PRKG2: variants seen among roughly 807,000 people sequenced by gnomAD.
PRKG2 encodes protein kinase cGMP-dependent 2, also known as cGMP-dependent protein kinase 2.
A neutral mutation model predicts 97.2 loss-of-function variants in PRKG2; 33 were observed. The observed-to-expected ratio is 0.34, with a 90% confidence interval of 0.26 to 0.45. The LOEUF is 0.45. PRKG2 is among the 20% of genes least tolerant of loss of function. The pLI is 1.00. For missense variants in PRKG2, 638 were observed against 900.0 expected (o/e 0.71, Z 3.73); for synonymous variants, 330 against 321.8 (o/e 1.03, Z -0.27).
rs28377778 is a variant in PRKG2 at position 81,143,080 on chromosome 4, C to T, written c.1254-133G>A. 0.021 allele frequency: 25,058 copies of T among 1,195,656 alleles called. 3,830 individuals carry two copies. In the African/African-American group the frequency reaches 0.33, roughly 16 times the overall value. 74.1% of individuals were successfully genotyped at this position (1,195,656 alleles called of 1,614,324 possible). A position where few individuals can be genotyped will look rare whatever the true frequency, so the allele number is the denominator to read the frequency against. ...ATTTATAGTTGCCACAAAGGCTATC[C>T]CAACTTTTATGGATCAGATTCAGTC... On this transcript the variant is annotated intron_variant, in intron 10 of 18. Transcript: ENST00000264399.
intron 14 of PRKG2, among the ~76,000 whole-genome samples, chr4:81,119,697 C>T (rs561151890): frequency 1.8e-4 from 27 of 149,422 alleles, no homozygotes; most frequent in African/African-American, 4.9e-4. Context: ...TTTTTTTAGG[C>T]GGAGTCTTGC....
intron 12 of PRKG2, 39 bp downstream of exon 12, chr4:81,140,494 T>G (rs541633905): frequency 6.6e-7 from 1 of 1,504,656 alleles, no homozygotes; most frequent in South Asian, 1.5e-5. Flanking sequence ...ATAAAGAGCC[T>G]GAAAATCCTA....
intron 12 of PRKG2, 52 bp from the exon 13 acceptor site, chr4:81,137,534 C>CT: frequency 7.0e-7 from 1 of 1,424,820 alleles, no homozygotes; most frequent in African/African-American, 1.4e-5. Flanking sequence ...GTTTAAAAAC[C>CT]TTTTTAAAGT....
intron 6 of PRKG2, among the ~76,000 whole-genome samples, chr4:81,157,352 T>C (rs887200760): frequency 3.3e-5 from 5 of 151,926 alleles, no homozygotes; most frequent in African/African-American, 1.2e-4. Context: ...AATTCCTCAA[T>C]ACATACACTC....
At chr4:81,103,765 G>T (rs1480133678) in intron 17 of PRKG2, among the ~76,000 whole-genome samples, 1 of 152,144 alleles carries the variant, frequency 6.6e-6, no homozygotes, top group Admixed American at 6.6e-5. Flanking sequence ...AGGCATGGTG[G>T]CTTGTGCCTA....
intron 14 of PRKG2, among the ~76,000 whole-genome samples, chr4:81,133,947 C>A (rs564423707): frequency 1.3e-5 from 2 of 152,054 alleles, no homozygotes; most frequent in Admixed American, 6.6e-5. Context: ...TCTACTTTTA[C>A]AATATTCCAA....
chr4:81,093,370 C>T (rs1049538936), intron 17 of PRKG2, among the ~76,000 whole-genome samples: 37 of 143,104 alleles, frequency 2.6e-4, no homozygotes, highest in African/African-American at 1.1e-3. Context: ...AACACACACA[C>T]ACACACACAC....
intron 6 of PRKG2, among the ~76,000 whole-genome samples, chr4:81,164,004 A>G (rs1749784265): frequency 6.6e-6 from 1 of 152,150 alleles, no homozygotes; most frequent in Admixed American, 6.6e-5. Flanking sequence ...TTCCAAGTAC[A>G]AGAGTTTAGA....
intron 2 of PRKG2, among the ~76,000 whole-genome samples, chr4:81,180,455 A>G (rs1001133889): frequency 7.2e-5 from 11 of 152,176 alleles, no homozygotes; most frequent in Non-Finnish European, 1.6e-4. Context: ...AAAAAGATAT[A>G]CTATGTAAAC....
intron 2 of PRKG2, among the ~76,000 whole-genome samples, chr4:81,200,210 A>T (rs964589596): frequency 1.3e-5 from 2 of 152,230 alleles, no homozygotes; most frequent in Non-Finnish European, 2.9e-5. Context: ...ACATGGGCAG[A>T]AATGCTATGT....
chr4:81,215,888 T>A (rs185175540), upstream of PRKG2, among the ~76,000 whole-genome samples: 226 of 151,862 alleles, frequency 1.5e-3, 3 homozygotes, highest in Non-Finnish European at 2.0e-3. Flanking sequence ...TTGAGTACAT[T>A]TTTTTTTCCT....
rs867387897 is a variant in PRKG2, at chr4:81,189,071, A to T, written c.462-14112T>A. On this transcript the variant is annotated intron_variant, in intron 2 of 18. Coordinates refer to ENST00000264399, the MANE Select transcript of PRKG2 (RefSeq NM_006259.3). ...AAAAAGATTAAAAAAAATAATAAAA[A>T]AAAAAAAAAAAAAAAAAAAAAGAAG... Among the ~76,000 whole-genome samples, 315 of 77,330 alleles carry T rather than the reference A, an allele frequency of 4.1e-3. 3 individuals are homozygous for T. The highest frequency in any genetic ancestry group is 0.014 in the Middle Eastern group (2 of 140). The allele number at this position is 77,330 out of a possible 152,430, so 50.7% of individuals were successfully genotyped here. A position where few individuals can be genotyped will look rare whatever the true frequency, so the allele number is the denominator to read the frequency against.
intron 8 of PRKG2, among the ~76,000 whole-genome samples, chr4:81,149,991 G>A (rs972903652): frequency 2.0e-5 from 3 of 152,046 alleles, no homozygotes; most frequent in Admixed American, 6.6e-5. Context: ...AAGTTTACAG[G>A]GTCCTTGTTA....
chr4:81,157,618 A>T (rs1041179595), intron 6 of PRKG2, among the ~76,000 whole-genome samples: 1 of 152,158 alleles, frequency 6.6e-6, no homozygotes, highest in Non-Finnish European at 1.5e-5. Flanking sequence ...CCGGGCAGAG[A>T]CACAACCAAA....
intron 1 of PRKG2, among the ~76,000 whole-genome samples, chr4:81,214,253 C>A (rs982885915): frequency 1.3e-5 from 2 of 151,890 alleles, no homozygotes; most frequent in South Asian, 2.1e-4. Flanking sequence ...TTTGTCCCAG[C>A]GTCACCCTTC....
chr4:81,130,858 C>G (rs189727674), intron 14 of PRKG2, among the ~76,000 whole-genome samples: 1 of 152,126 alleles, frequency 6.6e-6, no homozygotes, highest in Non-Finnish European at 1.5e-5. Context: ...CATCCCAGGT[C>G]GACTTCAGAC....
chr4:81,208,621 G>A (rs1203041115), intron 1 of PRKG2, among the ~76,000 whole-genome samples: 1 of 151,960 alleles, frequency 6.6e-6, no homozygotes, highest in Non-Finnish European at 1.5e-5. Flanking sequence ...ATGGGGTCTT[G>A]CACTATGTTG....
chr4:81,104,339 T>C (rs909056910), intron 17 of PRKG2, 31 bp downstream of exon 17: 8 of 1,470,072 alleles, frequency 5.4e-6, no homozygotes, highest in Non-Finnish European at 7.4e-6. Context: ...TAAATTTCTA[T>C]ATTTTTCTGG....
intron 2 of PRKG2, among the ~76,000 whole-genome samples, chr4:81,190,963 G>A (rs2110111832): frequency 6.6e-6 from 1 of 152,278 alleles, no homozygotes; most frequent in African/African-American, 2.4e-5. Context: ...GGAGAAACAG[G>A]AACACTTCTA....
Sources: gnomAD v4.1 joint callset for allele counts (sites outside exome capture counted in the v4.1 genomes callset) on GRCh38, gnomAD v4.1.1 for gene constraint, MANE v1.5 for transcripts, NCBI Gene and HGNC (gene_info 2026-07-23, HGNC 2026-07-21) for gene names.